OPCML: variants seen among roughly 807,000 people sequenced by gnomAD.
OPCML encodes the protein opioid binding protein/cell adhesion molecule like, also known as opioid-binding protein/cell adhesion molecule.
Under a neutral mutation model 37.8 loss-of-function variants are expected in OPCML, and 13 were observed. That is an observed-to-expected ratio of 0.34 (90% CI 0.22 to 0.55). OPCML has a LOEUF of 0.55. Among genes scored for constraint, OPCML ranks in the 20% least tolerant of loss-of-function variants. The pLI is 0.91. For synonymous variants in OPCML, 176 were observed against 168.8 expected, an observed-to-expected ratio of 1.04 and a Z score of -0.33; for missense variants, 341 against 435.6, an observed-to-expected ratio of 0.78 and a Z score of 1.93.
chr11:133,518,500 C>T (rs1022610228), intron 1 of OPCML, among the ~76,000 whole-genome samples: 34 of 150,768 alleles, frequency 2.3e-4, no homozygotes, highest in African/African-American at 6.8e-4. Flanking sequence ...TAAGTGTGTG[C>T]GGGTGTGGGT....
intron 1 of OPCML, among the ~76,000 whole-genome samples, chr11:132,968,176 A>G (rs1946255693): frequency 6.6e-6 from 1 of 152,198 alleles, no homozygotes; most frequent in Non-Finnish European, 1.5e-5. Context: ...TTTAATTTCA[A>G]ACTCCACTTG....
At chr11:133,351,290 G>T (rs1438875166) in intron 1 of OPCML, among the ~76,000 whole-genome samples, 1 of 152,034 alleles carries the variant, frequency 6.6e-6, no homozygotes, top group Non-Finnish European at 1.5e-5. Flanking sequence ...CCCTTATCAA[G>T]TCACTACAAT....
intron 4 of OPCML, among the ~76,000 whole-genome samples, chr11:132,493,826 C>A (rs1323508785): frequency 6.6e-6 from 1 of 152,236 alleles, no homozygotes; most frequent in African/African-American, 2.4e-5. Flanking sequence ...TATCCTGATC[C>A]AAATGCAAGG....
At chr11:133,405,801 A>G (rs1006425366) in intron 1 of OPCML, among the ~76,000 whole-genome samples, 1 of 152,064 alleles carries the variant, frequency 6.6e-6, no homozygotes, top group African/African-American at 2.4e-5. Context: ...CTGCCTCTGA[A>G]CCTAATGCTC....
chr11:132,517,055 G>A (rs953356526), intron 4 of OPCML, among the ~76,000 whole-genome samples: 1 of 152,132 alleles, frequency 6.6e-6, no homozygotes, highest in African/African-American at 2.4e-5. Context: ...CAGCTGGTTA[G>A]GCCCCAGTCA....
At chr11:133,106,871 T>G (rs1949166849) in intron 1 of OPCML, among the ~76,000 whole-genome samples, 1 of 152,344 alleles carries the variant, frequency 6.6e-6, no homozygotes, top group East Asian at 1.9e-4. Context: ...TCTCTTGGCC[T>G]AGCCCCACTC....
At chr11:133,025,575 T>C in intron 1 of OPCML, 3 of 565,728 alleles carry the variant, frequency 5.3e-6, no homozygotes, top group Non-Finnish European at 6.7e-6. Context: ...GTATTTCTTT[T>C]CTTATTATTT....
At chr11:132,754,785 G>C (rs1945978046) in intron 2 of OPCML, among the ~76,000 whole-genome samples, 3 of 152,118 alleles carry the variant, frequency 2.0e-5, no homozygotes, top group Admixed American at 2.0e-4. Context: ...ATGCTAGAAA[G>C]GGTGATGTGC....
At chr11:132,668,070 G>T (rs982938651) in intron 2 of OPCML, among the ~76,000 whole-genome samples, 9 of 152,164 alleles carry the variant, frequency 5.9e-5, no homozygotes, top group African/African-American at 2.2e-4. Context: ...AGAGAATGTG[G>T]TAGGCTCAAT....
chr11:132,944,486 C>G lies in OPCML; in HGVS notation c.62-1476G>C, dbSNP rs1945698517. On this transcript the variant is annotated intron_variant, in intron 1 of 7. Coordinates refer to ENST00000524381, the MANE Select transcript of OPCML (RefSeq NM_001012393.5). ...AGGACCCACCTCGGAAACGCCCGTG[C>G]CCCTCCACTGGACGCCTGTCCCCAA... Among the ~76,000 whole-genome samples, 3 of 152,166 alleles carry G rather than the reference C, an allele frequency of 2.0e-5. No homozygotes were observed. In the South Asian group the frequency reaches 6.2e-4, roughly 31 times the overall value.
intron 4 of OPCML, among the ~76,000 whole-genome samples, chr11:132,522,747 A>T (rs895668984): frequency 6.6e-6 from 1 of 152,234 alleles, no homozygotes; most frequent in African/African-American, 2.4e-5. Context: ...GCTTAGGTTG[A>T]TAAGACTCTG....
chr11:132,513,933 T>C (rs1186978670), intron 4 of OPCML, among the ~76,000 whole-genome samples: 2 of 152,222 alleles, frequency 1.3e-5, no homozygotes, highest in African/African-American at 4.8e-5. Context: ...TCAAACACAG[T>C]ACATAACACG....
chr11:133,451,211 A>G (rs1374690891), intron 1 of OPCML, among the ~76,000 whole-genome samples: 2 of 151,738 alleles, frequency 1.3e-5, no homozygotes, highest in African/African-American at 2.4e-5. Flanking sequence ...GATAATAACT[A>G]TAAAATCTGG....
intron 2 of OPCML, among the ~76,000 whole-genome samples, chr11:132,936,580 G>C (rs1945382544): frequency 6.6e-6 from 1 of 152,048 alleles, no homozygotes; most frequent in South Asian, 2.1e-4. Context: ...TTTGTTCAAG[G>C]CTCTGCAGTA....
intron 3 of OPCML, among the ~76,000 whole-genome samples, chr11:132,571,971 A>C (rs891550046): frequency 1.3e-5 from 2 of 152,160 alleles, no homozygotes; most frequent in African/African-American, 4.8e-5. Context: ...TCTGGTATGT[A>C]AGGTGATACC....
At chr11:133,221,099 C>G (rs79150716) in intron 1 of OPCML, among the ~76,000 whole-genome samples, 8,322 of 152,264 alleles carry the variant, frequency 0.055, 747 homozygotes, top group African/African-American at 0.19. Flanking sequence ...TGCAGCTGCT[C>G]TCTCTTTATA....
intron 2 of OPCML, among the ~76,000 whole-genome samples, chr11:132,751,826 G>T (rs1241825187): frequency 6.6e-6 from 1 of 152,176 alleles, no homozygotes; most frequent in Non-Finnish European, 1.5e-5. Flanking sequence ...AAAGAAAAGT[G>T]CCAGTCAATA....
chr11:133,305,789 G>A (rs1408738345), intron 1 of OPCML, among the ~76,000 whole-genome samples: 1 of 152,116 alleles, frequency 6.6e-6, no homozygotes, highest in Non-Finnish European at 1.5e-5. Context: ...TTGATCATAG[G>A]CAGTTCATCT....
chr11:132,986,460 T>C (rs1030299333), intron 1 of OPCML, among the ~76,000 whole-genome samples: 5 of 152,174 alleles, frequency 3.3e-5, no homozygotes, highest in Non-Finnish European at 7.3e-5. Flanking sequence ...TCCAACACAC[T>C]TAGGACCATC....
Sources: allele counts gnomAD v4.1 joint callset (sites outside exome capture counted in the v4.1 genomes callset), GRCh38; gene constraint gnomAD v4.1.1; transcripts MANE v1.5; gene names NCBI Gene and HGNC (gene_info 2026-07-23, HGNC 2026-07-21).